Variants in MEIS2 observed in about 807,000 individuals in gnomAD.
MEIS2 encodes homeobox protein Meis2.
Under a neutral mutation model 58.6 loss-of-function variants are expected in MEIS2, and 9 were observed. The ratio of observed to expected loss-of-function variants is 0.15; its 90% CI spans 0.09 to 0.27. The LOEUF (loss-of-function observed/expected upper bound fraction) is 0.27. Among genes scored for constraint, MEIS2 ranks in the 10% least tolerant of loss-of-function variants. The pLI, the probability that MEIS2 is intolerant of heterozygous loss-of-function variation, is 1.00. For missense variants in MEIS2, 427 were observed against 635.0 expected (o/e 0.67, Z 3.52); for synonymous variants, 221 against 228.4 (o/e 0.97, Z 0.29).
At chr15:37,099,348 T>A in intron 1 of MEIS2, 107 bp downstream of exon 1, 1 of 1,569,136 alleles carries the variant, frequency 6.4e-7, no homozygotes, top group Non-Finnish European at 8.6e-7. Context: ...GCCGCCATCA[T>A]CAAGCAGCGA....
chr15:36,970,186 G>C (rs552767634), intron 8 of MEIS2, among the ~76,000 whole-genome samples: 1 of 152,130 alleles, frequency 6.6e-6, no homozygotes, highest in Non-Finnish European at 1.5e-5. Context: ...GGAGGATCAT[G>C]AGGTCAGGAG....
At chr15:36,940,883 A>G (rs1189563144) in intron 9 of MEIS2, among the ~76,000 whole-genome samples, 2 of 152,208 alleles carry the variant, frequency 1.3e-5, no homozygotes, top group Non-Finnish European at 2.9e-5. Context: ...GTAACCTATT[A>G]TGTTCCCTTT....
intron 9 of MEIS2, among the ~76,000 whole-genome samples, chr15:36,939,213 T>C (rs1457078897): frequency 6.6e-6 from 1 of 152,230 alleles, no homozygotes; most frequent in Non-Finnish European, 1.5e-5. Flanking sequence ...GCATGTTTAC[T>C]TCTCCAGCCC....
In MEIS2 at chr15:37,013,634, A is replaced by C. The variant is rs1188368338; in HGVS notation, c.900+23180T>G. 3.4e-5 allele frequency among the ~76,000 whole-genome samples: 5 copies of C among 148,776 alleles called. 1 individual carries two copies. Among genetic ancestry groups the C allele is most frequent in the Middle Eastern group, 3.6e-3 (1 of 280 alleles). On this transcript the variant is annotated intron_variant, in intron 8 of 11. Transcript: ENST00000561208. ...TATATTACATATATATATAATACAT[A>C]TATATATTCTAGGAGGAACTCAAAC...
chr15:36,922,677 G>A lies in MEIS2; in HGVS notation c.978-25991C>T, dbSNP rs1016347613. Among the ~76,000 whole-genome samples, 6 of 146,110 alleles carry A rather than the reference G, an allele frequency of 4.1e-5. No homozygotes were observed. In the East Asian group the frequency reaches 1.2e-3, roughly 29 times the overall value. On this transcript the variant is annotated intron_variant, in intron 9 of 11. Transcript: ENST00000561208. ...TCTTTCTTGCCCAAGCTGGAGTGCAGTGGTGTGATTTCAGCACACTGCAAC... is the reference window on the plus strand; with the variant it reads ...TCTTTCTTGCCCAAGCTGGAGTGCAATGGTGTGATTTCAGCACACTGCAAC...
At chr15:37,011,388 A>T (rs1203716587) in intron 8 of MEIS2, among the ~76,000 whole-genome samples, 1 of 152,186 alleles carries the variant, frequency 6.6e-6, no homozygotes, top group African/African-American at 2.4e-5. Context: ...TTATACGCAG[A>T]CATTTCAAAA....
chr15:37,058,782 T>C (rs1297896392), intron 7 of MEIS2, among the ~76,000 whole-genome samples: 2 of 152,236 alleles, frequency 1.3e-5, no homozygotes, highest in African/African-American at 4.8e-5. Flanking sequence ...CCACTTTTAC[T>C]GGGCATATTA....
chr15:36,930,309 CA>C (rs2057925535), intron 9 of MEIS2, among the ~76,000 whole-genome samples: 1 of 148,506 alleles, frequency 6.7e-6, no homozygotes, highest in African/African-American at 2.5e-5. Context: ...TTATATAAAA[CA>C]TTAAGGGTCA....
intron 7 of MEIS2, among the ~76,000 whole-genome samples, chr15:37,040,864 GC>G (rs1220816344): frequency 1.3e-5 from 2 of 152,146 alleles, no homozygotes; most frequent in African/African-American, 2.4e-5. Flanking sequence ...ATGTCCTAGG[GC>G]GGGAAAAAGG....
chr15:36,895,002 T>TTC lies in MEIS2; in HGVS notation c.1147+148_1147+149insGA. 8 of 901,956 alleles carry TTC rather than the reference T, an allele frequency of 8.9e-6. No individual in the cohort carries two copies. The South Asian group carries it at 9.6e-5, about 11-fold the overall frequency. 55.9% of individuals were successfully genotyped at this position (901,956 alleles called of 1,614,324 possible). A position where few individuals can be genotyped will look rare whatever the true frequency, so the allele number is the denominator to read the frequency against. On this transcript the variant is annotated intron_variant, in intron 11 of 11. Coordinates refer to ENST00000561208, the MANE Select transcript of MEIS2 (RefSeq NM_170675.5). Reference sequence around the variant, plus strand: ...TTTACTTTTTCAAAGAGGAATTTTTTCCCCCACCCAATGTAAAGAAAGCAG... The same window carrying TTC: ...TTTACTTTTTCAAAGAGGAATTTTTTTCCCCCCACCCAATGTAAAGAAAGCAG...
Position 37,023,911 on chromosome 15 carries a change from CTTTT to C in MEIS2, c.900+12899_900+12902del, listed in dbSNP as rs35244111. On this transcript the variant is annotated intron_variant, in intron 8 of 11. Transcript: ENST00000561208. ...TCTTCACTGGCCTCCTTTTCTCTCT[CTTTT>C]TTTTTTTTTTTTTTTTTTGATGGAG... Among the ~76,000 whole-genome samples the C allele has an allele frequency of 2.1e-3, 209 of 101,496 alleles. 1 individual carries two copies. Among genetic ancestry groups the C allele is most frequent in the Middle Eastern group, 5.1e-3 (1 of 196 alleles). 66.6% of individuals were successfully genotyped at this position (101,496 alleles called of 152,430 possible).
chr15:36,995,706 T>TAAAA (rs71821151), intron 8 of MEIS2, among the ~76,000 whole-genome samples: 287 of 4,126 alleles, frequency 0.07, 109 homozygotes, highest in East Asian at 0.26. Flanking sequence ...TTACAGCTAC[T>TAAAA]AAAAAAAAAA....
In MEIS2 at chr15:37,096,459, C is replaced by G. The variant is rs746460624; in HGVS notation, c.246-29G>C. ...ACGGGCAGCGCCACGCAGAGACACA[C>G]ACACAGAGACGGGGTGCAGAGGGGA... On this transcript the variant is annotated intron_variant, in intron 2 of 11. Transcript: ENST00000561208. 4 of 1,605,686 alleles carry G rather than the reference C, an allele frequency of 2.5e-6. No individual in the cohort carries two copies. In the South Asian group the frequency reaches 3.3e-5, roughly 13 times the overall value.
chr15:37,025,359 C>T (rs1158208197), intron 8 of MEIS2, among the ~76,000 whole-genome samples: 2 of 152,156 alleles, frequency 1.3e-5, no homozygotes, highest in Non-Finnish European at 2.9e-5. Context: ...GAGCAAAAGG[C>T]TGTGCTAAGA....
chr15:37,025,236 C>T (rs11856482), intron 8 of MEIS2, among the ~76,000 whole-genome samples: 30,896 of 152,114 alleles, frequency 0.2, 3,883 homozygotes, highest in East Asian at 0.37. Context: ...TACACTTGCA[C>T]AGTATTTTGT....
intron 1 of MEIS2, chr15:37,098,642 C>A: frequency 5.2e-6 from 1 of 193,624 alleles, no homozygotes; most frequent in Non-Finnish European, 9.6e-6. Context: ...GCCCCGCTCC[C>A]GCCGGAGGCA....
intron 9 of MEIS2, among the ~76,000 whole-genome samples, chr15:36,933,268 G>T (rs1001893258): frequency 6.6e-6 from 1 of 152,092 alleles, no homozygotes; most frequent in Non-Finnish European, 1.5e-5. Context: ...TTTCTATAGG[G>T]TCTGTGGTCT....
chr15:37,097,849 C>A (rs781077156), intron 2 of MEIS2, 118 bp downstream of exon 2: 2 of 1,396,360 alleles, frequency 1.4e-6, no homozygotes, highest in Admixed American at 5.7e-5. Context: ...AAGCGGCGCC[C>A]GCCCCCCACC....
At chr15:37,088,767 G>A (rs1893186309) in intron 6 of MEIS2, among the ~76,000 whole-genome samples, 1 of 152,072 alleles carries the variant, frequency 6.6e-6, no homozygotes, top group Non-Finnish European at 1.5e-5. Flanking sequence ...CCATTTAGTC[G>A]AGCAACTTTT....
Sources: gnomAD v4.1 joint callset for allele counts (sites outside exome capture counted in the v4.1 genomes callset) on GRCh38, gnomAD v4.1.1 for gene constraint, MANE v1.5 for transcripts, NCBI Gene and HGNC (gene_info 2026-07-23, HGNC 2026-07-21) for gene names.